The following GPHN variants were observed in gnomAD, a reference collection of about 807,000 sequenced individuals.
GPHN encodes the protein gephyrin.
Under a neutral mutation model 95.5 loss-of-function variants are expected in GPHN, and 17 were observed. The ratio of observed to expected loss-of-function variants is 0.18; its 90% CI spans 0.12 to 0.27. The LOEUF is 0.27. Ranked by LOEUF, GPHN falls within the 10% of genes least tolerant of loss-of-function variation. The probability of loss-of-function intolerance (pLI) is 1.00; values close to 1 mark genes in which losing one functional copy is unlikely to be tolerated. For synonymous variants in GPHN, 320 were observed against 322.5 expected, an observed-to-expected ratio of 0.99 and a Z score of 0.08; for missense variants, 660 against 978.1, an observed-to-expected ratio of 0.67 and a Z score of 4.34.
At chr14:67,204,136 C>A in the GPHN span, among the ~76,000 whole-genome samples, 1 of 152,066 alleles carries the variant, frequency 6.6e-6, no homozygotes, top group Non-Finnish European at 1.5e-5. Context: ...CTTCAAACTA[C>A]TATAAAATAT....
At chr14:67,416,142 C>A in the GPHN span, among the ~76,000 whole-genome samples, 1 of 152,190 alleles carries the variant, frequency 6.6e-6, no homozygotes, top group Non-Finnish European at 1.5e-5. Context: ...GATAATTAAA[C>A]AAGAAGCTTT....
intron 3 of GPHN, among the ~76,000 whole-genome samples, chr14:66,785,048 A>C (rs914002903): frequency 6.6e-6 from 1 of 152,212 alleles, no homozygotes; most frequent in Non-Finnish European, 1.5e-5. Flanking sequence ...CGAAAGATTT[A>C]TGTGTGAACA....
chr14:67,460,463 G>A, the GPHN span, among the ~76,000 whole-genome samples: 1 of 152,172 alleles, frequency 6.6e-6, no homozygotes, highest in African/African-American at 2.4e-5. Context: ...CCAGCACTTT[G>A]GGAGACCGAG....
At chr14:67,559,805 C>A in the GPHN span, 2 of 684,366 alleles carry the variant, frequency 2.9e-6, no homozygotes, top group South Asian at 3.2e-5. Flanking sequence ...TTCATTCTGT[C>A]CAGCACTTGT....
At chr14:66,910,633 C>T (rs1278379643) in intron 5 of GPHN, among the ~76,000 whole-genome samples, 2 of 151,950 alleles carry the variant, frequency 1.3e-5, no homozygotes, top group Non-Finnish European at 2.9e-5. Context: ...TACACACACA[C>T]ATATGTATAT....
chr14:66,794,591 C>A (rs2060092852), intron 3 of GPHN, among the ~76,000 whole-genome samples: 1 of 152,118 alleles, frequency 6.6e-6, no homozygotes. Flanking sequence ...AGGTGCTTCC[C>A]TTTAACTATT....
At chr14:66,807,671 C>G (rs2060601427) in intron 3 of GPHN, among the ~76,000 whole-genome samples, 1 of 152,196 alleles carries the variant, frequency 6.6e-6, no homozygotes, top group Non-Finnish European at 1.5e-5. Flanking sequence ...ATCCTGATTT[C>G]TAGCAAATGA....
chr14:66,575,446 A>T (rs1473444289), intron 1 of GPHN, among the ~76,000 whole-genome samples: 1 of 152,228 alleles, frequency 6.6e-6, no homozygotes, highest in African/African-American at 2.4e-5. Context: ...GTAAATATAA[A>T]TTTCTTTAGA....
chr14:67,086,708 T>G (rs2076906054), intron 11 of GPHN, among the ~76,000 whole-genome samples: 1 of 149,522 alleles, frequency 6.7e-6, no homozygotes, highest in Admixed American at 6.7e-5. Context: ...TAGCCACCTA[T>G]GAAATATATT....
At chr14:67,684,587 CTT>C in the GPHN span, 16 of 142,190 alleles carry the variant, frequency 1.1e-4, no homozygotes, top group Admixed American at 3.5e-4. Flanking sequence ...GATTCAAATT[CTT>C]TTTTTTTTTT....
the GPHN span, among the ~76,000 whole-genome samples, chr14:67,362,759 A>T: frequency 1.2e-4 from 18 of 152,320 alleles, no homozygotes; most frequent in Non-Finnish European, 2.4e-4. Flanking sequence ...TAAAAAAAAA[A>T]TTTAAGTTAT....
At chr14:66,996,549 T>C (rs1278241542) in intron 9 of GPHN, among the ~76,000 whole-genome samples, 1 of 152,162 alleles carries the variant, frequency 6.6e-6, no homozygotes, top group Non-Finnish European at 1.5e-5. Context: ...TAAACTCAAA[T>C]TGGCTAAAGG....
intron 9 of GPHN, among the ~76,000 whole-genome samples, chr14:66,966,665 G>A (rs2069349719): frequency 6.6e-6 from 1 of 151,918 alleles, no homozygotes; most frequent in Non-Finnish European, 1.5e-5. Flanking sequence ...CACTTGTAAA[G>A]TCTAGAAAAT....
At chr14:67,547,781 A>G in the GPHN span, among the ~76,000 whole-genome samples, 1 of 151,804 alleles carries the variant, frequency 6.6e-6, no homozygotes, top group African/African-American at 2.4e-5. Context: ...CCCTCGTACA[A>G]AATTGTCATT....
At chr14:66,808,998 G>A (rs1266651941) in intron 3 of GPHN, among the ~76,000 whole-genome samples, 1 of 152,122 alleles carries the variant, frequency 6.6e-6, no homozygotes, top group Non-Finnish European at 1.5e-5. Flanking sequence ...CTAAAGTCAA[G>A]GGATTATTAA....
intron 9 of GPHN, among the ~76,000 whole-genome samples, chr14:66,988,283 A>G (rs191300412): frequency 1.5e-3 from 228 of 152,028 alleles, no homozygotes; most frequent in African/African-American, 5.2e-3. Context: ...AAAAATCACT[A>G]TTTCTTATAC....
the GPHN span, chr14:67,615,810 G>A: frequency 3.5e-6 from 2 of 570,834 alleles, no homozygotes; most frequent in Non-Finnish European, 3.3e-6. Context: ...TCTGCGTGTG[G>A]CCCAAAAGTC....
intron 3 of GPHN, among the ~76,000 whole-genome samples, chr14:66,779,116 ATC>A (rs2059510748): frequency 1.3e-5 from 2 of 152,130 alleles, no homozygotes; most frequent in African/African-American, 4.8e-5. Flanking sequence ...AAGCCCATTG[ATC>A]TATTATATGA....
At chr14:67,010,561 AAAAAAAAAGAAAG>A (rs1465337528) in intron 9 of GPHN, among the ~76,000 whole-genome samples, 3 of 151,626 alleles carry the variant, frequency 2.0e-5, no homozygotes, top group Admixed American at 1.3e-4. Context: ...CAGAAAAAAA[AAAAAAAAAGAAAG>A]AAAAAAAAGA....
Sources: allele counts gnomAD v4.1 joint callset (sites outside exome capture counted in the v4.1 genomes callset), GRCh38; gene constraint gnomAD v4.1.1; transcripts MANE v1.5; gene names NCBI Gene and HGNC (gene_info 2026-07-23, HGNC 2026-07-21).